Variants in ECD observed in about 807,000 individuals in gnomAD.
ECD encodes the protein protein ecdysoneless homolog.
A neutral mutation model predicts 77.2 loss-of-function variants in ECD; 59 were observed. The ratio of observed to expected loss-of-function variants is 0.76; its 90% CI spans 0.62 to 0.95. The LOEUF (loss-of-function observed/expected upper bound fraction) is 0.95. ECD is among the 40% of genes least tolerant of loss of function. The probability of loss-of-function intolerance (pLI) is 0.00; values close to 1 mark genes in which losing one functional copy is unlikely to be tolerated. For synonymous variants in ECD, 233 were observed against 267.4 expected, an observed-to-expected ratio of 0.87 and a Z score of 1.26; for missense variants, 704 against 763.4, an observed-to-expected ratio of 0.92 and a Z score of 0.92.
intron 2 of ECD, among the ~76,000 whole-genome samples, chr10:73,161,364 T>C (rs576487415): frequency 4.0e-5 from 6 of 150,810 alleles, no homozygotes; most frequent in Non-Finnish European, 8.9e-5. Context: ...AAATCGGAAA[T>C]GAAAGAGGGG....
intron 2 of ECD, among the ~76,000 whole-genome samples, chr10:73,160,803 G>A (rs1242614564): frequency 1.3e-5 from 2 of 152,198 alleles, no homozygotes; most frequent in African/African-American, 2.4e-5. Flanking sequence ...GTATAAAGGA[G>A]GGGATATCTG....
At chr10:73,142,153 G>T (rs1843066004) in intron 9 of ECD, among the ~76,000 whole-genome samples, 1 of 151,736 alleles carries the variant, frequency 6.6e-6, no homozygotes, top group African/African-American at 2.4e-5. Flanking sequence ...GATTACAGGT[G>T]CCCACCACCT....
chr10:73,158,805 A>T (rs1564666951), intron 3 of ECD, among the ~76,000 whole-genome samples: 1 of 152,184 alleles, frequency 6.6e-6, no homozygotes, highest in Non-Finnish European at 1.5e-5. Flanking sequence ...TGGGAGACTG[A>T]GGCAGGAGGA....
chr10:73,146,474 G>A (rs945397974), intron 8 of ECD, 113 bp from the exon 9 acceptor site: 5 of 554,108 alleles, frequency 9.0e-6, no homozygotes, highest in Non-Finnish European at 1.2e-5. Flanking sequence ...CAGGAATCAC[G>A]TGCCCCAAGT....
chr10:73,164,362 T>C (rs140309728), intron 1 of ECD, among the ~76,000 whole-genome samples: 3,002 of 150,528 alleles, frequency 0.02, 86 homozygotes, highest in African/African-American at 0.069. Context: ...AAAAAAAAAA[T>C]AAATAAAAAT....
rs548880889 is a variant in ECD at position 73,154,859 on chromosome 10, G to A, written c.591-411C>T. On this transcript the variant is annotated intron_variant, in intron 5 of 13. Coordinates refer to ENST00000372979, the MANE Select transcript of ECD (RefSeq NM_007265.3). Reference sequence around the variant, plus strand: ...TGACATAGGAGAATCGCTTGAACCCGGGAGGCAGAGGTTGCAGTGAGCCGA... The same window carrying A: ...TGACATAGGAGAATCGCTTGAACCCAGGAGGCAGAGGTTGCAGTGAGCCGA... Among the ~76,000 whole-genome samples the A allele has an allele frequency of 4.0e-4, 60 of 151,698 alleles. 2 individuals are homozygous for A. The South Asian group carries it at 0.011, about 28-fold the overall frequency.
intron 5 of ECD, among the ~76,000 whole-genome samples, 175 bp downstream of exon 5, chr10:73,156,100 G>A (rs1482680892): frequency 6.6e-6 from 1 of 152,106 alleles, no homozygotes; most frequent in Admixed American, 6.6e-5. Context: ...TCATAAAGAG[G>A]AATGAAGACA....
chr10:73,160,562 G>A lies in ECD; in HGVS notation c.206-11C>T. 1 of 1,574,280 alleles carries A rather than the reference G, an allele frequency of 6.4e-7. No individual in the cohort carries two copies. Among genetic ancestry groups the A allele is most frequent in the East Asian group, 2.3e-5 (1 of 44,444 alleles). ...GAGCAGGAACACCTCCTAAAAACAA[G>A]AGAAAAGCAACCATGTAACCAGATA... On this transcript the variant is annotated splice_polypyrimidine_tract_variant and intron_variant, in intron 2 of 13. Coordinates refer to ENST00000372979, the MANE Select transcript of ECD (RefSeq NM_007265.3).
At chr10:73,143,558 G>T (rs1843085674) in intron 9 of ECD, among the ~76,000 whole-genome samples, 1 of 151,910 alleles carries the variant, frequency 6.6e-6, no homozygotes, top group South Asian at 2.1e-4. Flanking sequence ...TAATTTTTGT[G>T]GGTACATAGT....
intron 9 of ECD, 51 bp from the exon 10 acceptor site, chr10:73,139,788 G>C (rs1843028562): frequency 8.0e-7 from 1 of 1,249,608 alleles, no homozygotes; most frequent in African/African-American, 1.5e-5. Flanking sequence ...ACATAGAATA[G>C]TAATCATAAA....
At chr10:73,160,313 T>C (rs1180035427) in intron 3 of ECD, 121 bp downstream of exon 3, 8 of 602,628 alleles carry the variant, frequency 1.3e-5, no homozygotes, top group East Asian at 3.8e-5. Context: ...ACAGATACTA[T>C]TAAAATCTGT....
In ECD at chr10:73,134,595, T is replaced by C. The variant is rs1842955544; in HGVS notation, c.1923A>G (p.Pro641=). The change falls in exon 14 of 14, where the codon CCA becomes CCG. Residue 641 remains proline (P), a synonymous_variant. Transcript: ENST00000372979. ...DNTDHRPTSK[P]TKN is the part of the protein sequence containing the mutation. ...CTAAATGTGCTGGTTAATTTTTTGT[T>C]GGCTTACTTGTTGGTCTGTGATCGG... 1 of 1,613,008 alleles carries C rather than the reference T, an allele frequency of 6.2e-7. No individual in the cohort carries two copies. Among genetic ancestry groups the C allele is most frequent in the Non-Finnish European group, 8.5e-7 (1 of 1,179,224 alleles).
At chr10:73,135,950 A>G (rs1212263486) in intron 13 of ECD, among the ~76,000 whole-genome samples, 1 of 152,182 alleles carries the variant, frequency 6.6e-6, no homozygotes, top group Non-Finnish European at 1.5e-5. Flanking sequence ...AGTGGTTTAG[A>G]TGATCAAAGC....
At chr10:73,147,398 A>C (rs907296302) in intron 8 of ECD, among the ~76,000 whole-genome samples, 4 of 151,502 alleles carry the variant, frequency 2.6e-5, no homozygotes, top group Non-Finnish European at 4.4e-5. Flanking sequence ...AAATACAAAA[A>C]TCGGCTGGGT....
chr10:73,158,617 C>T (rs779768052), intron 3 of ECD, among the ~76,000 whole-genome samples: 17 of 151,812 alleles, frequency 1.1e-4, no homozygotes, highest in Non-Finnish European at 2.2e-4. Flanking sequence ...ACGCCCATAG[C>T]CCCAGCTACT....
At chr10:73,148,854 A>G (rs1843163237) in intron 7 of ECD, among the ~76,000 whole-genome samples, 1 of 152,190 alleles carries the variant, frequency 6.6e-6, no homozygotes, top group South Asian at 2.1e-4. Flanking sequence ...GCACATGGCT[A>G]AATAATTCAA....
chr10:73,163,698 A>G, intron 2 of ECD, 35 bp downstream of exon 2: 1 of 1,598,090 alleles, frequency 6.3e-7, no homozygotes. Flanking sequence ...TAACATTAAA[A>G]GTCACACTAA....
intron 11 of ECD, 37 bp downstream of exon 11, chr10:73,139,272 C>G (rs1843018261): frequency 6.6e-7 from 1 of 1,526,506 alleles, no homozygotes; most frequent in African/African-American, 1.4e-5. Flanking sequence ...CATTTGGGTT[C>G]TAGCTATTTA....
chr10:73,152,631 G>C (rs961493982), intron 6 of ECD, among the ~76,000 whole-genome samples: 1 of 151,984 alleles, frequency 6.6e-6, no homozygotes, highest in Non-Finnish European at 1.5e-5. Context: ...CCTACTGCTG[G>C]CCAGGCATGG....
Sources: allele counts gnomAD v4.1 joint callset (sites outside exome capture counted in the v4.1 genomes callset), GRCh38; gene constraint gnomAD v4.1.1; transcripts MANE v1.5; gene names NCBI Gene and HGNC (gene_info 2026-07-23, HGNC 2026-07-21).